Variants in SH3D19 observed in about 807,000 individuals in gnomAD.
SH3D19 encodes the protein SH3 domain-containing protein 19.
In SH3D19, 58 loss-of-function variants were observed where a neutral mutation model predicts 112.1. The observed-to-expected ratio is 0.52, with a 90% CI of 0.42 to 0.64. SH3D19 has a LOEUF of 0.64. Ranked by LOEUF, SH3D19 falls within the 30% of genes least tolerant of loss-of-function variation. The pLI, the probability that SH3D19 is intolerant of heterozygous loss-of-function variation, is 0.00. For missense variants in SH3D19, 1,090 were observed against 1,263.4 expected (o/e 0.86, Z 2.08); for synonymous variants, 391 against 448.5 (o/e 0.87, Z 1.62).
At chr4:151,214,520 C>T (rs1766629811) in intron 2 of SH3D19, among the ~76,000 whole-genome samples, 1 of 135,290 alleles carries the variant, frequency 7.4e-6, no homozygotes, top group East Asian at 2.4e-4. Context: ...CTCCTCACTT[C>T]CCAGTAGGGG....
intron 1 of SH3D19, among the ~76,000 whole-genome samples, chr4:151,247,230 C>CA (rs1292963479): frequency 6.6e-6 from 1 of 152,100 alleles, no homozygotes; most frequent in Non-Finnish European, 1.5e-5. Context: ...TTCTGTGTTT[C>CA]AATATCAATG....
At chr4:151,293,583 C>A (rs1266486208) in intron 1 of SH3D19, among the ~76,000 whole-genome samples, 2 of 152,224 alleles carry the variant, frequency 1.3e-5, no homozygotes, top group African/African-American at 4.8e-5. Flanking sequence ...TCCTAACTAG[C>A]ATTTCCACAT....
At chr4:151,260,392 C>T (rs183185909) in intron 1 of SH3D19, among the ~76,000 whole-genome samples, 1 of 152,312 alleles carries the variant, frequency 6.6e-6, no homozygotes, top group East Asian at 1.9e-4. Flanking sequence ...CAATCTTTTT[C>T]TCTCTCTGCC....
At chr4:151,308,861 C>T (rs892993579) in intron 1 of SH3D19, among the ~76,000 whole-genome samples, 12 of 152,214 alleles carry the variant, frequency 7.9e-5, no homozygotes, top group South Asian at 4.1e-4. Context: ...CTGCTTCCTG[C>T]GTCTTTCTTT....
chr4:151,309,651 A>G (rs1729243722), intron 1 of SH3D19, among the ~76,000 whole-genome samples: 1 of 152,240 alleles, frequency 6.6e-6, no homozygotes, highest in South Asian at 2.1e-4. Context: ...AATCAAAACC[A>G]CAATTAGATA....
chr4:151,303,753 TG>T (rs535524550), intron 1 of SH3D19, among the ~76,000 whole-genome samples: 7 of 152,244 alleles, frequency 4.6e-5, no homozygotes, highest in South Asian at 4.1e-4. Context: ...CAAAGGGGTT[TG>T]GGGTGGTATA....
intron 1 of SH3D19, among the ~76,000 whole-genome samples, chr4:151,260,855 G>A (rs962976316): frequency 6.6e-5 from 10 of 152,088 alleles, no homozygotes; most frequent in Non-Finnish European, 1.2e-4. Flanking sequence ...CGATCTTAAG[G>A]CTGACTTCTT....
chr4:151,214,872 G>A (rs1766770952), intron 2 of SH3D19, among the ~76,000 whole-genome samples: 1 of 149,840 alleles, frequency 6.7e-6, no homozygotes, highest in African/African-American at 2.4e-5. Flanking sequence ...TCACTTCCCA[G>A]ACGGGGTGGC....
chr4:151,209,642 A>G (rs535181265), intron 2 of SH3D19, among the ~76,000 whole-genome samples: 1 of 152,338 alleles, frequency 6.6e-6, no homozygotes, highest in Admixed American at 6.5e-5. Context: ...CTTGGGCATG[A>G]CCTGAGAGTA....
At chr4:151,303,467 T>G (rs1487548254) in intron 1 of SH3D19, among the ~76,000 whole-genome samples, 1 of 152,232 alleles carries the variant, frequency 6.6e-6, no homozygotes, top group African/African-American at 2.4e-5. Context: ...AGCAGCCAAT[T>G]ATTTCTCACA....
intron 1 of SH3D19, chr4:151,282,247 T>A (rs202018966): frequency 1.9e-6 from 3 of 1,613,944 alleles, no homozygotes; most frequent in Admixed American, 3.3e-5. Flanking sequence ...TCGTCATCCA[T>A]CCCAAGTACC....
chr4:151,150,206 A>AAATATATAT (rs1273707426), intron 9 of SH3D19, among the ~76,000 whole-genome samples: 2 of 46,160 alleles, frequency 4.3e-5, no homozygotes, highest in Non-Finnish European at 8.5e-5. Flanking sequence ...AAAAAAAAAA[A>AAATATATAT]ATATATATAT....
chr4:151,275,850 T>TA (rs1031120584), intron 1 of SH3D19, among the ~76,000 whole-genome samples: 1,041 of 38,994 alleles, frequency 0.027, 9 homozygotes, highest in African/African-American at 0.05. Flanking sequence ...TTATTATTAT[T>TA]TTTTTTTTTT....
chr4:151,243,359 G>A (rs1361541852), intron 1 of SH3D19, among the ~76,000 whole-genome samples: 4 of 152,154 alleles, frequency 2.6e-5, no homozygotes, highest in Admixed American at 6.5e-5. Context: ...ACTATAAAAT[G>A]AAAAAGAAAT....
intron 1 of SH3D19, chr4:151,282,080 C>A: frequency 6.5e-7 from 1 of 1,532,784 alleles, no homozygotes. Flanking sequence ...AGACTTAGTG[C>A]TACATATAGG....
chr4:151,270,835 C>G (rs983347513), intron 1 of SH3D19, among the ~76,000 whole-genome samples: 2 of 152,220 alleles, frequency 1.3e-5, no homozygotes, highest in Non-Finnish European at 2.9e-5. Flanking sequence ...CAAAAAATTT[C>G]TTGTCCAAGT....
At chr4:151,151,407 T>G (rs1347071996) in intron 9 of SH3D19, among the ~76,000 whole-genome samples, 6 of 152,128 alleles carry the variant, frequency 3.9e-5, no homozygotes, top group East Asian at 3.9e-4. Flanking sequence ...TTTTTTTTTT[T>G]GTAAAGGATG....
chr4:151,182,273 G>A (rs1183639558), intron 3 of SH3D19, among the ~76,000 whole-genome samples: 3 of 152,296 alleles, frequency 2.0e-5, no homozygotes, highest in South Asian at 2.1e-4. Flanking sequence ...ACAGGCATGA[G>A]CCACTATGCC....
At position 151,296,620 on chromosome 4, in the gene SH3D19, G is replaced by C. The variant is rs563225117; in HGVS notation, c.112+28621C>G. Among the ~76,000 whole-genome samples the C allele has an allele frequency of 5.3e-5, 8 of 152,146 alleles. 1 individual carries two copies. The East Asian group carries it at 1.5e-3, about 29-fold the overall frequency. On this transcript the variant is annotated intron_variant, in intron 1 of 19. Coordinates refer to ENST00000604030, the MANE Select transcript of SH3D19 (RefSeq NM_001378122.1). The stretch of plus-strand genomic sequence containing the variant: ...AATAGGGACACCTTTACTTTTATGG[G>C]GCTCAATACAGCATTTCTGCCTTAA...
Sources: gnomAD v4.1 joint callset for allele counts (sites outside exome capture counted in the v4.1 genomes callset) on GRCh38, gnomAD v4.1.1 for gene constraint, MANE v1.5 for transcripts, NCBI Gene and HGNC (gene_info 2026-07-23, HGNC 2026-07-21) for gene names.